Variants in SDK2 observed in about 807,000 individuals in gnomAD.
SDK2 encodes protein sidekick-2.
SDK2 carries 105 observed loss-of-function variants against 253.9 expected under a neutral mutation model. That is an observed-to-expected ratio of 0.41 (90% CI 0.35 to 0.49). SDK2 has a LOEUF of 0.49. Ranked by LOEUF, SDK2 falls within the 20% of genes least tolerant of loss-of-function variation. SDK2 has a pLI of 0.06. For synonymous variants in SDK2, 1,249 were observed against 1,234.9 expected (o/e 1.01, Z -0.24); for missense variants, 2,608 against 3,003.0 (o/e 0.87, Z 3.07).
chr17:73,600,923 T>TG (rs1215364311), intron 1 of SDK2, among the ~76,000 whole-genome samples: 1 of 152,028 alleles, frequency 6.6e-6, no homozygotes, highest in East Asian at 1.9e-4. Flanking sequence ...TACCAGAGTC[T>TG]GGGGGGCAGG....
rs903046003 is a variant in SDK2, at chr17:73,643,562, C to A, written c.64+463G>T. ...CAACCCGGCATCCAGCGCTCGCCCA[C>A]CCCACTCCCTCGCCCCGGGGAGGCC... is the stretch of plus-strand genomic sequence containing the variant. On this transcript the variant is annotated intron_variant, in intron 1 of 44. Coordinates refer to ENST00000392650, the MANE Select transcript of SDK2 (RefSeq NM_001144952.2). This position sits in a 1 kb window ranked among gnomAD's most constrained non-coding sequence, Gnocchi z 6.9. 6.6e-6 allele frequency among the ~76,000 whole-genome samples: 1 copy of A among 152,102 alleles called. No homozygotes were observed. The highest frequency in any genetic ancestry group is 2.4e-5 in the African/African-American group (1 of 41,442).
In SDK2 at chr17:73,422,159, C is replaced by T. The variant is rs1015783252; in HGVS notation, c.2045+128G>A. Reference sequence around the variant, plus strand: ...AGGCACTCATCAGGATTGCTCTCCCCTTCTACAGAGGCGGAAGCCTAGAGG... The same window carrying T: ...AGGCACTCATCAGGATTGCTCTCCCTTTCTACAGAGGCGGAAGCCTAGAGG... On this transcript the variant is annotated intron_variant, in intron 15 of 44. Coordinates refer to ENST00000392650, the MANE Select transcript of SDK2 (RefSeq NM_001144952.2). The T allele has an allele frequency of 8.6e-6, 9 of 1,048,386 alleles. No individual in the cohort carries two copies. In the African/African-American group the frequency reaches 1.4e-4, roughly 17 times the overall value. 64.9% of individuals were successfully genotyped at this position (1,048,386 alleles called of 1,614,324 possible). A position where few individuals can be genotyped will look rare whatever the true frequency, so the allele number is the denominator to read the frequency against.
At chr17:73,341,941 A>C (rs1372672928) in intron 44 of SDK2, among the ~76,000 whole-genome samples, 1 of 152,108 alleles carries the variant, frequency 6.6e-6, no homozygotes, top group Non-Finnish European at 1.5e-5. Flanking sequence ...CATAAAGTAC[A>C]GGAAGGGTGA....
rs1447430373 is a variant in SDK2 at position 73,443,588 on chromosome 17, G to C, written c.614-2665C>G. Among the ~76,000 whole-genome samples, 2 of 152,206 alleles carry C rather than the reference G, an allele frequency of 1.3e-5. No individual in the cohort carries two copies. The highest frequency in any genetic ancestry group is 3.9e-4 in the East Asian group (2 of 5,178). The stretch of plus-strand genomic sequence containing the variant: ...TACGAGGGCTGCCCCAGGGCTCAGG[G>C]CTGGCTCGTTGGCTCTGGAAGGAAT... On this transcript the variant is annotated intron_variant, in intron 5 of 44. Coordinates refer to ENST00000392650, the MANE Select transcript of SDK2 (RefSeq NM_001144952.2). This position sits in a 1 kb window ranked among gnomAD's most constrained non-coding sequence, Gnocchi z 4.6.
intron 36 of SDK2, among the ~76,000 whole-genome samples, chr17:73,371,353 G>T (rs1001776831): frequency 2.6e-5 from 4 of 152,128 alleles, no homozygotes; most frequent in African/African-American, 9.7e-5. Flanking sequence ...AGCATTCAGT[G>T]GTTGGTGGGG....
In SDK2 at chr17:73,448,971, C is replaced by A. The variant is rs116559662; in HGVS notation, c.480-1223G>T. On this transcript the variant is annotated intron_variant, in intron 4 of 44. Coordinates refer to ENST00000392650, the MANE Select transcript of SDK2 (RefSeq NM_001144952.2). ...CCACTGTACCCAGCTGGAGTTTCTA[C>A]CTCTTTGAAGCTCATAACCAAGAGT... 8.5e-3 allele frequency among the ~76,000 whole-genome samples: 1,299 copies of A among 152,260 alleles called. 20 individuals are homozygous for A. The highest frequency in any genetic ancestry group is 0.03 in the African/African-American group (1,226 of 41,534).
At chr17:73,396,880 G>A in intron 24 of SDK2, among the ~76,000 whole-genome samples, 1 of 152,226 alleles carries the variant, frequency 6.6e-6, no homozygotes, top group Non-Finnish European at 1.5e-5. Flanking sequence ...ACTGAGGTGG[G>A]CCGAGACAGC....
At chr17:73,563,717 T>C (rs1282429792) in intron 1 of SDK2, among the ~76,000 whole-genome samples, 1 of 152,108 alleles carries the variant, frequency 6.6e-6, no homozygotes, top group Non-Finnish European at 1.5e-5. Flanking sequence ...GGGGGCAGGG[T>C]TGAGATGAGT....
Position 73,348,686 on chromosome 17 carries a change from CG to C in SDK2, c.6077del (p.Ser2026TrpfsTer19). ...PRPSPGSLHY[S>X]DEDVTKYNDL... ...CGTTGTATTTGGTGACATCCTCATC[CG>C]AGTAGTGCAGGCTGCCTGGGCTGGG... On this transcript the variant is annotated frameshift_variant, in exon 44 of 45. Transcript: ENST00000392650. LOFTEE classifies it high-confidence loss of function. 6.2e-7 allele frequency: 1 copy of C among 1,611,526 alleles called. No homozygotes were observed.
Position 73,348,683 on chromosome 17 carries a change from A to C in SDK2, c.6081T>G (p.Asp2027Glu), listed in dbSNP as rs376020251. 3.7e-6 allele frequency: 6 copies of C among 1,611,792 alleles called. No homozygotes were observed. The Admixed American group carries it at 8.3e-5, about 22-fold the overall frequency. The change falls in exon 44 of 45, where the codon GAT becomes GAG. Residue 2027 changes from aspartate to glutamate, a missense_variant. This residue lies in a region of SDK2 where 1,103 missense variants were observed against 1,143.9 expected (regional missense o/e 0.96). Coordinates refer to ENST00000392650, the MANE Select transcript of SDK2 (RefSeq NM_001144952.2). The part of the protein sequence containing the change: ...RPSPGSLHYS[D>E]EDVTKYNDLI... ...GGTCGTTGTATTTGGTGACATCCTC[A>C]TCCGAGTAGTGCAGGCTGCCTGGGC...
intron 1 of SDK2, among the ~76,000 whole-genome samples, chr17:73,624,394 G>A (rs577584383): frequency 6.6e-6 from 1 of 152,292 alleles, no homozygotes; most frequent in South Asian, 2.1e-4. Context: ...TTGGAAGGCT[G>A]AGGCATGAAA....
intron 5 of SDK2, among the ~76,000 whole-genome samples, chr17:73,442,078 G>GC: frequency 6.6e-6 from 1 of 152,368 alleles, no homozygotes; most frequent in Middle Eastern, 3.4e-3. Context: ...CTCTCAGAAA[G>GC]CAGGTTTCCA....
At chr17:73,521,602 G>A (rs1456434054) in intron 1 of SDK2, among the ~76,000 whole-genome samples, 7 of 152,154 alleles carry the variant, frequency 4.6e-5, no homozygotes, top group Admixed American at 1.3e-4. Context: ...GGGCTCAGGC[G>A]CTGGGTCTCC....
At chr17:73,428,368 T>C (rs2063300460) in intron 12 of SDK2, among the ~76,000 whole-genome samples, 1 of 151,842 alleles carries the variant, frequency 6.6e-6, no homozygotes, top group Non-Finnish European at 1.5e-5. Context: ...CTGGCCAGAG[T>C]GTTTTTTTCT....
At chr17:73,461,436 A>G (rs1254036240) in intron 3 of SDK2, among the ~76,000 whole-genome samples, 2 of 152,278 alleles carry the variant, frequency 1.3e-5, no homozygotes, top group Admixed American at 6.5e-5. Flanking sequence ...GGAGAGGAAT[A>G]GCAGGAGGAC....
intron 30 of SDK2, among the ~76,000 whole-genome samples, chr17:73,387,257 G>A (rs902479034): frequency 2.6e-5 from 4 of 152,158 alleles, no homozygotes; most frequent in African/African-American, 9.7e-5. Flanking sequence ...ACCGCTCCTG[G>A]CCTCTCTTTT....
intron 1 of SDK2, among the ~76,000 whole-genome samples, chr17:73,640,132 TC>T (rs1300015674): frequency 4.6e-5 from 7 of 152,288 alleles, no homozygotes; most frequent in African/African-American, 1.4e-4. Flanking sequence ...GAATTTGGCC[TC>T]CTTCCCAGCC....
At chr17:73,451,640 C>G (rs2063490537) in intron 4 of SDK2, among the ~76,000 whole-genome samples, 1 of 152,148 alleles carries the variant, frequency 6.6e-6, no homozygotes, top group South Asian at 2.1e-4. Context: ...ACCCCCAGGG[C>G]CTGAGTTCAA....
intron 16 of SDK2, among the ~76,000 whole-genome samples, chr17:73,417,470 G>T (rs756419570): frequency 2.6e-5 from 4 of 151,986 alleles, no homozygotes; most frequent in Non-Finnish European, 5.9e-5. Context: ...AGCACCCCTA[G>T]CCCCCACACT....
Sources: gnomAD v4.1 joint callset for allele counts (sites outside exome capture counted in the v4.1 genomes callset) on GRCh38, gnomAD v4.1.1 for gene constraint, gnomAD v4.1.1 regional missense constraint, Gnocchi (gnomAD v3.1) non-coding constraint, MANE v1.5 for transcripts, NCBI Gene and HGNC (gene_info 2026-07-23, HGNC 2026-07-21) for gene names.